ZNF407: variants seen among roughly 807,000 people sequenced by gnomAD.
ZNF407 encodes the protein zinc finger protein 407.
ZNF407 carries 17 observed loss-of-function variants against 131.2 expected under a neutral mutation model. That is an observed-to-expected ratio of 0.13 (90% confidence interval 0.09 to 0.19). The LOEUF is 0.19. ZNF407 is among the 10% of genes least tolerant of loss of function. The pLI is 1.00. For synonymous variants in ZNF407, 1,156 were observed against 1,062.0 expected (o/e 1.09, Z -1.72); for missense variants, 2,681 against 2,830.6 (o/e 0.95, Z 1.20).
intron 8 of ZNF407, among the ~76,000 whole-genome samples, chr18:74,927,610 A>T (rs1971930879): frequency 6.6e-6 from 1 of 152,210 alleles, no homozygotes; most frequent in African/African-American, 2.4e-5. Context: ...CTCAACTGCA[A>T]AAAGAGTAAC....
intron 4 of ZNF407, among the ~76,000 whole-genome samples, chr18:74,829,971 T>C (rs1270587505): frequency 3.9e-5 from 6 of 152,118 alleles, no homozygotes; most frequent in African/African-American, 1.4e-4. Context: ...ATATAGTAGG[T>C]TCTATGAGTT....
intron 3 of ZNF407, among the ~76,000 whole-genome samples, chr18:74,763,092 A>C (rs1969133624): frequency 1.3e-5 from 2 of 149,454 alleles, no homozygotes; most frequent in Non-Finnish European, 3.0e-5. Flanking sequence ...AAAGCTTGCA[A>C]TTGTTAGTCT....
At chr18:74,775,671 C>T (rs1023078728) in intron 3 of ZNF407, among the ~76,000 whole-genome samples, 12 of 152,152 alleles carry the variant, frequency 7.9e-5, no homozygotes, top group Non-Finnish European at 1.8e-4. Flanking sequence ...AGGCTGTTCT[C>T]GCATGGCTAT....
intron 8 of ZNF407, among the ~76,000 whole-genome samples, chr18:74,946,271 A>G (rs1344073696): frequency 6.6e-6 from 1 of 152,164 alleles, no homozygotes; most frequent in Non-Finnish European, 1.5e-5. Flanking sequence ...TGAATATGGA[A>G]TTTTCAAATT....
At chr18:74,785,336 C>T (rs1256523396) in intron 4 of ZNF407, among the ~76,000 whole-genome samples, 1 of 152,164 alleles carries the variant, frequency 6.6e-6, no homozygotes, top group Non-Finnish European at 1.5e-5. Flanking sequence ...AAGATTTCCT[C>T]TGGGGTCCTC....
At chr18:75,023,974 T>TG (rs760986726) in intron 8 of ZNF407, among the ~76,000 whole-genome samples, 1 of 152,176 alleles carries the variant, frequency 6.6e-6, no homozygotes, top group Non-Finnish European at 1.5e-5. Flanking sequence ...TGCTAAGTTA[T>TG]GGGGCAAGTT....
chr18:74,610,307 T>C (rs1982998595), intron 1 of ZNF407, among the ~76,000 whole-genome samples: 1 of 152,162 alleles, frequency 6.6e-6, no homozygotes, highest in South Asian at 2.1e-4. Context: ...CTTTTAACCA[T>C]CCCCCATTGT....
intron 4 of ZNF407, among the ~76,000 whole-genome samples, chr18:74,810,773 G>A (rs1970182301): frequency 6.6e-6 from 1 of 152,088 alleles, no homozygotes; most frequent in Non-Finnish European, 1.5e-5. Flanking sequence ...TTTAATAAAT[G>A]GTGCTGGGAA....
At chr18:75,040,532 A>G (rs1973360759) in intron 8 of ZNF407, among the ~76,000 whole-genome samples, 1 of 152,134 alleles carries the variant, frequency 6.6e-6, no homozygotes, top group Non-Finnish European at 1.5e-5. Flanking sequence ...ATCTTTATGT[A>G]TTATACTTGT....
intron 3 of ZNF407, among the ~76,000 whole-genome samples, chr18:74,727,452 C>A (rs1318555674): frequency 6.6e-6 from 1 of 152,202 alleles, no homozygotes; most frequent in African/African-American, 2.4e-5. Flanking sequence ...ATATCGTTTG[C>A]GTTGAGTATT....
At chr18:75,029,956 T>A (rs1973220507) in intron 8 of ZNF407, among the ~76,000 whole-genome samples, 1 of 152,196 alleles carries the variant, frequency 6.6e-6, no homozygotes, top group Non-Finnish European at 1.5e-5. Flanking sequence ...TCATGAGCAT[T>A]ACATTAAAAA....
chr18:74,789,187 G>GAGAGGTACT (rs1406175419), intron 4 of ZNF407, among the ~76,000 whole-genome samples: 1 of 152,160 alleles, frequency 6.6e-6, no homozygotes, highest in African/African-American at 2.4e-5. Flanking sequence ...GAGTGTCTGG[G>GAGAGGTACT]AGAGGTACTA....
At chr18:74,907,249 TCA>T (rs57813796) in intron 7 of ZNF407, among the ~76,000 whole-genome samples, 5,192 of 152,286 alleles carry the variant, frequency 0.034, 301 homozygotes, top group African/African-American at 0.12. Flanking sequence ...TGAGAGAAAC[TCA>T]CAGAGGGAGT....
intron 8 of ZNF407, among the ~76,000 whole-genome samples, chr18:74,957,317 T>C (rs76284296): frequency 0.019 from 2,952 of 152,230 alleles, 100 homozygotes; most frequent in African/African-American, 0.066. Flanking sequence ...CGTGAGTCAG[T>C]CCCGTCGCCC....
chr18:75,019,606 C>G (rs553065525), intron 8 of ZNF407, among the ~76,000 whole-genome samples: 2 of 152,126 alleles, frequency 1.3e-5, no homozygotes, highest in East Asian at 1.9e-4. Context: ...AGAATATCCC[C>G]GCTGTAAGGG....
chr18:74,829,619 C>T (rs574850516), intron 4 of ZNF407, among the ~76,000 whole-genome samples: 13 of 152,158 alleles, frequency 8.5e-5, no homozygotes, highest in South Asian at 6.2e-4. Flanking sequence ...AAATCTGCCC[C>T]AGGAATTAAA....
At chr18:74,828,637 T>C (rs1208277784) in intron 4 of ZNF407, among the ~76,000 whole-genome samples, 1 of 152,226 alleles carries the variant, frequency 6.6e-6, no homozygotes, top group Non-Finnish European at 1.5e-5. Context: ...ACTGTATAGC[T>C]AGAAGGTTCT....
intron 3 of ZNF407, among the ~76,000 whole-genome samples, chr18:74,753,891 C>T (rs1359243449): frequency 6.6e-6 from 1 of 152,052 alleles, no homozygotes; most frequent in African/African-American, 2.4e-5. Context: ...AGGGAGGATT[C>T]TCTCTTTTTC....
Position 74,631,343 on chromosome 18 carries a change from A to G in ZNF407, c.324A>G (p.Leu108=). 1 of 1,614,066 alleles carries G rather than the reference A, an allele frequency of 6.2e-7. No individual in the cohort carries two copies. The change falls in exon 2 of 9, where the codon TTA becomes TTG. Residue 108 remains leucine (L), a synonymous_variant. Transcript: ENST00000299687. ...CAGTCACAGAAGGGGGTATTGCATT[A>G]GATGAAACAGGGAAGGAGACCTTTC... The part of the protein sequence containing the change: ...ESSVTEGGIA[L]DETGKETFLS...
Sources: gnomAD v4.1 joint callset for allele counts (sites outside exome capture counted in the v4.1 genomes callset) on GRCh38, gnomAD v4.1.1 for gene constraint, MANE v1.5 for transcripts, NCBI Gene and HGNC (gene_info 2026-07-23, HGNC 2026-07-21) for gene names.